SLU7: variants seen among roughly 807,000 people sequenced by gnomAD.
SLU7 encodes the protein pre-mRNA-splicing factor SLU7.
A neutral mutation model predicts 87.0 loss-of-function variants in SLU7; 60 were observed. The observed-to-expected ratio is 0.69, with a 90% CI of 0.56 to 0.86. SLU7 has a LOEUF of 0.86. SLU7 is among the 40% of genes least tolerant of loss of function. The pLI is 0.00. For synonymous variants in SLU7, 197 were observed against 222.0 expected, an observed-to-expected ratio of 0.89 and a Z score of 1.00; for missense variants, 507 against 686.6, an observed-to-expected ratio of 0.74 and a Z score of 2.92.
chr5:160,407,595 C>A lies in SLU7; in HGVS notation c.1006G>T (p.Asp336Tyr). 6.2e-7 allele frequency: 1 copy of A among 1,613,090 alleles called. No individual in the cohort carries two copies. The highest frequency in any genetic ancestry group is 8.5e-7 in the Non-Finnish European group (1 of 1,179,648). The change falls in exon 11 of 16, where the codon GAC (aspartate) becomes TAC (tyrosine). Residue 336 changes from aspartate (D) to tyrosine (Y), a missense_variant. By Grantham distance (160) the Asp-to-Tyr change is radical. Transcript: ENST00000297151. This position sits in a 1 kb window ranked among gnomAD's most constrained non-coding sequence, Gnocchi z 4.2. ...QTQLFAWEAY[D>Y]KGSEVHLQAD... ...TGTAGATGCACTTCAGATCCCTTGT[C>A]ATAGGCTTCCCATGCAAACACTAGA...
intron 3 of SLU7, 41 bp downstream of exon 3, chr5:160,414,278 C>T (rs757635009): frequency 3.8e-5 from 55 of 1,459,674 alleles, no homozygotes; most frequent in Non-Finnish European, 4.9e-5. Context: ...AGTTCTTAAA[C>T]TCTCCATATC....
chr5:160,406,842 C>G (rs1765036450), intron 11 of SLU7, among the ~76,000 whole-genome samples: 1 of 152,196 alleles, frequency 6.6e-6, no homozygotes, highest in Non-Finnish European at 1.5e-5. Context: ...CAGTAAGTTA[C>G]AAGATGGCCA....
rs1430388673 is a variant in SLU7 at position 160,413,622 on chromosome 5, TA to T, written c.406-3del. The T allele has an allele frequency of 6.2e-7, 1 of 1,605,232 alleles. No homozygotes were observed. The highest frequency in any genetic ancestry group is 2.2e-5 in the East Asian group (1 of 44,868). Reference sequence around the variant, plus strand: ...TTTGGCTCCAACTCGCCTAGGTCTCTAAAAACAGAGTAAGATTTAATCTTTT... The same window carrying T: ...TTTGGCTCCAACTCGCCTAGGTCTCTAAAACAGAGTAAGATTTAATCTTTT... On this transcript the variant is annotated splice_region_variant and splice_polypyrimidine_tract_variant and intron_variant, in intron 4 of 15. Coordinates refer to ENST00000297151, the MANE Select transcript of SLU7 (RefSeq NM_006425.5).
Position 160,402,553 on chromosome 5 carries a change from T to C in SLU7, c.*732A>G, listed in dbSNP as rs536297392. ...AAAATAAATGTAGTCACAGAGTTGCTAGTAATTATTTAAAAAAACAAAGCC... is the reference window on the plus strand; with the variant it reads ...AAAATAAATGTAGTCACAGAGTTGCCAGTAATTATTTAAAAAAACAAAGCC... On this transcript the variant is annotated 3_prime_UTR_variant, in exon 16 of 16. Transcript: ENST00000297151. The C allele has an allele frequency of 5.3e-5, 8 of 152,194 alleles. No individual in the cohort carries two copies. The highest frequency in any genetic ancestry group is 1.9e-4 in the African/African-American group (8 of 41,496). 9.4% of individuals were successfully genotyped at this position (152,194 alleles called of 1,614,324 possible).
At chr5:160,409,084 A>G (rs1034534998) in intron 6 of SLU7, among the ~76,000 whole-genome samples, 11 of 151,910 alleles carry the variant, frequency 7.2e-5, no homozygotes, top group African/African-American at 2.7e-4. Flanking sequence ...AAAGATTAAG[A>G]TGTCCAAAGT....
Position 160,402,512 on chromosome 5 carries a change from G to T in SLU7, c.*773C>A, listed in dbSNP as rs936971071. ...AGCCTGGGCAACATAGCAAGATCCT[G>T]TCTCTAAAAAAAATAAAAATAAATG... On this transcript the variant is annotated 3_prime_UTR_variant, in exon 16 of 16. Coordinates refer to ENST00000297151, the MANE Select transcript of SLU7 (RefSeq NM_006425.5). 20 of 151,948 alleles carry T rather than the reference G, an allele frequency of 1.3e-4. No individual in the cohort carries two copies. The highest frequency in any genetic ancestry group is 2.6e-4 in the Non-Finnish European group (18 of 68,008). 9.4% of individuals were successfully genotyped at this position (151,948 alleles called of 1,614,324 possible).
intron 5 of SLU7, 38 bp from the exon 6 acceptor site, chr5:160,412,557 TA>T (rs1554082332): frequency 9.0e-7 from 1 of 1,110,368 alleles, no homozygotes; most frequent in African/African-American, 1.9e-5. Flanking sequence ...AAAGAAAAAG[TA>T]AACATTTAAA....
At chr5:160,417,546 G>C (rs1210320949) in intron 1 of SLU7, among the ~76,000 whole-genome samples, 1 of 152,152 alleles carries the variant, frequency 6.6e-6, no homozygotes, top group African/African-American at 2.4e-5. Flanking sequence ...CCAGCACTTT[G>C]GGAGGCCGAG....
At chr5:160,414,021 G>A (rs200440369) in intron 3 of SLU7, 42 bp from the exon 4 acceptor site, 23 of 1,217,814 alleles carry the variant, frequency 1.9e-5, no homozygotes, top group African/African-American at 7.9e-5. Flanking sequence ...TCTTAACCAC[G>A]TAAGTTAGAA....
Position 160,407,643 on chromosome 5 carries a change from G to T in SLU7, c.986-28C>A, listed in dbSNP as rs780569015. The T allele has an allele frequency of 2.5e-6, 4 of 1,606,016 alleles. No homozygotes were observed. The highest frequency in any genetic ancestry group is 3.4e-6 in the Non-Finnish European group (4 of 1,177,216). On this transcript the variant is annotated intron_variant, in intron 10 of 15. Coordinates refer to ENST00000297151, the MANE Select transcript of SLU7 (RefSeq NM_006425.5). The surrounding 1 kb of genome is among the most constrained non-coding windows in gnomAD (Gnocchi z 4.2). ...AGAGTAATTCAAAACATCTTAGTGA[G>T]TTGGCAGCTGCATTACTGTATGCTT... is the stretch of plus-strand genomic sequence containing the variant.
intron 5 of SLU7, 71 bp downstream of exon 5, chr5:160,413,385 G>T: frequency 7.2e-7 from 1 of 1,383,720 alleles, no homozygotes; most frequent in Non-Finnish European, 1.0e-6. Context: ...GATTTGAAAA[G>T]TAGAGCTGCT....
chr5:160,419,065 C>CT lies in SLU7; in HGVS notation c.-60_-59insA, dbSNP rs1299235260. ...AGCCCCAAGTCCATCCGACAGAATC[C>CT]AAGCCAATCTCGTAATGTTTACTTC... On this transcript the variant is annotated 5_prime_UTR_variant, in exon 1 of 16. Coordinates refer to ENST00000297151, the MANE Select transcript of SLU7 (RefSeq NM_006425.5). 6 of 152,274 alleles carry CT rather than the reference C, an allele frequency of 3.9e-5. No homozygotes were observed. The highest frequency in any genetic ancestry group is 1.4e-4 in the African/African-American group (6 of 41,470). The allele number at this position is 152,274 out of a possible 1,614,324, so 9.4% of individuals were successfully genotyped here. A position where few individuals can be genotyped will look rare whatever the true frequency, so the allele number is the denominator to read the frequency against.
At position 160,410,292 on chromosome 5, in the gene SLU7, A is replaced by C. The variant is rs561827591; in HGVS notation, c.640-1595T>G. Among the ~76,000 whole-genome samples the C allele has an allele frequency of 3.7e-3, 559 of 152,310 alleles. 4 individuals carry two copies. Among genetic ancestry groups the C allele is most frequent in the Non-Finnish European group, 6.5e-3 (444 of 68,024 alleles). On this transcript the variant is annotated intron_variant, in intron 6 of 15. Coordinates refer to ENST00000297151, the MANE Select transcript of SLU7 (RefSeq NM_006425.5). ...TGTTACTTTCAAAATTAGAAATATAAATATTTTGTAAAAAATAATTTTTTT... is the reference window on the plus strand; with the variant it reads ...TGTTACTTTCAAAATTAGAAATATACATATTTTGTAAAAAATAATTTTTTT...
Position 160,414,685 on chromosome 5 carries a change from A to T in SLU7, c.171-213T>A, listed in dbSNP as rs116302728. Among the ~76,000 whole-genome samples the T allele has an allele frequency of 4.4e-3, 666 of 152,288 alleles. 6 individuals are homozygous for T. Among genetic ancestry groups the T allele is most frequent in the African/African-American group, 0.016 (646 of 41,562 alleles). On this transcript the variant is annotated intron_variant, in intron 2 of 15. Transcript: ENST00000297151. ...GAGTGAAAATATTTCCAACTAAGAAACTAAGAATAGTGATATAACTGAAGG... is the reference window on the plus strand; with the variant it reads ...GAGTGAAAATATTTCCAACTAAGAATCTAAGAATAGTGATATAACTGAAGG...
Position 160,402,903 on chromosome 5 carries a change from T to C in SLU7, c.*382A>G, listed in dbSNP as rs977109527. On this transcript the variant is annotated 3_prime_UTR_variant, in exon 16 of 16. Transcript: ENST00000297151. ...GGTGGCGGGCGCCTGTAGTCCCAACTACTAGGGAGGCTGAGGCAGGAGAAT... is the reference window on the plus strand; with the variant it reads ...GGTGGCGGGCGCCTGTAGTCCCAACCACTAGGGAGGCTGAGGCAGGAGAAT... The C allele has an allele frequency of 1.3e-5, 2 of 152,730 alleles. No individual in the cohort carries two copies. The highest frequency in any genetic ancestry group is 4.8e-5 in the African/African-American group (2 of 41,300). 9.5% of individuals were successfully genotyped at this position (152,730 alleles called of 1,614,324 possible). A position where few individuals can be genotyped will look rare whatever the true frequency, so the allele number is the denominator to read the frequency against.
intron 6 of SLU7, 40 bp from the exon 7 acceptor site, chr5:160,408,737 C>T: frequency 1.0e-6 from 1 of 998,552 alleles, no homozygotes; most frequent in Non-Finnish European, 1.4e-6. Flanking sequence ...TAATCTCATT[C>T]CACTTAATCC....
intron 6 of SLU7, among the ~76,000 whole-genome samples, chr5:160,411,829 A>G (rs906539380): frequency 2.6e-5 from 4 of 152,200 alleles, no homozygotes; most frequent in Non-Finnish European, 5.9e-5. Flanking sequence ...CATATAAAAA[A>G]TGTTTTGCCC....
chr5:160,402,640 A>G lies in SLU7; in HGVS notation c.*645T>C, dbSNP rs1764827360. On this transcript the variant is annotated 3_prime_UTR_variant, in exon 16 of 16. Transcript: ENST00000297151. ...AATATAGGGCCACAAAAATCGAAGC[A>G]ATAAAGTTTGAAGCTTAATAAATAC... The G allele has an allele frequency of 6.6e-6, 1 of 152,218 alleles. No homozygotes were observed. The highest frequency in any genetic ancestry group is 1.5e-5 in the Non-Finnish European group (1 of 68,038). 9.4% of individuals were successfully genotyped at this position (152,218 alleles called of 1,614,324 possible).
intron 1 of SLU7, chr5:160,417,296 C>T (rs181078679): frequency 1.4e-3 from 218 of 150,572 alleles, no homozygotes; most frequent in African/African-American, 4.4e-3. Context: ...CCAGTAGTCA[C>T]ATTAAAAAAG....
Sources: gnomAD v4.1 joint callset for allele counts (sites outside exome capture counted in the v4.1 genomes callset) on GRCh38, gnomAD v4.1.1 for gene constraint, Gnocchi (gnomAD v3.1) non-coding constraint, MANE v1.5 for transcripts, NCBI Gene and HGNC (gene_info 2026-07-23, HGNC 2026-07-21) for gene names.